The following STX18 variants were observed in gnomAD, a reference collection of about 807,000 sequenced individuals.
STX18 encodes syntaxin 18.
In STX18, 40 loss-of-function variants were observed where a neutral mutation model predicts 50.1. That is an observed-to-expected ratio of 0.80 (90% CI 0.62 to 1.04). The LOEUF (loss-of-function observed/expected upper bound fraction) is 1.04, where lower values mean the gene tolerates loss of function less well. STX18 is among the 50% of genes least tolerant of loss of function. STX18 has a pLI of 0.00. For synonymous variants in STX18, 158 were observed against 151.8 expected (o/e 1.04, Z -0.30); for missense variants, 410 against 415.8 (o/e 0.99, Z 0.12).
chr4:4,505,358 C>T (rs1729650769), intron 1 of STX18, among the ~76,000 whole-genome samples: 1 of 152,226 alleles, frequency 6.6e-6, no homozygotes, highest in Non-Finnish European at 1.5e-5. Context: ...ATGCTGGCAA[C>T]ACAGTACACT....
rs1244109677 is a variant in STX18, at chr4:4,425,234, C to G, written c.703-12G>C. 6.2e-7 allele frequency: 1 copy of G among 1,612,340 alleles called. No individual in the cohort carries two copies. The highest frequency in any genetic ancestry group is 1.7e-5 in the Admixed American group (1 of 60,010). On this transcript the variant is annotated splice_polypyrimidine_tract_variant and intron_variant, in intron 7 of 10. Transcript: ENST00000306200. ...TTTTCCTGTTCAAACTGTGAGGAAA[C>G]AGACACACTCAGGATGACATCATAC... is the stretch of plus-strand genomic sequence containing the variant.
At chr4:4,519,056 A>G (rs1412826240) in intron 1 of STX18, among the ~76,000 whole-genome samples, 1 of 152,168 alleles carries the variant, frequency 6.6e-6, no homozygotes, top group Non-Finnish European at 1.5e-5. Flanking sequence ...AACTGCTATA[A>G]TTTTCTAGGA....
chr4:4,490,854 T>C (rs1388546140), intron 1 of STX18, among the ~76,000 whole-genome samples: 2 of 152,198 alleles, frequency 1.3e-5, no homozygotes, highest in African/African-American at 2.4e-5. Flanking sequence ...CTGACTTTAA[T>C]AGAGTTTCCC....
chr4:4,511,183 A>G (rs531884351), intron 1 of STX18, among the ~76,000 whole-genome samples: 1 of 152,314 alleles, frequency 6.6e-6, no homozygotes, highest in South Asian at 2.1e-4. Flanking sequence ...TAAAACATTT[A>G]AAAAAAGAAA....
At chr4:4,509,014 C>T (rs1729870256) in intron 1 of STX18, among the ~76,000 whole-genome samples, 1 of 152,174 alleles carries the variant, frequency 6.6e-6, no homozygotes, top group Non-Finnish European at 1.5e-5. Context: ...AATAGTGCTG[C>T]AGTGAATGTA....
chr4:4,438,946 C>G (rs1159335976), intron 5 of STX18, among the ~76,000 whole-genome samples: 5 of 147,928 alleles, frequency 3.4e-5, no homozygotes, highest in African/African-American at 1.2e-4. Flanking sequence ...TATATATACC[C>G]CCACACACAT....
At chr4:4,520,611 T>A (rs1560207323) in intron 1 of STX18, among the ~76,000 whole-genome samples, 1 of 152,214 alleles carries the variant, frequency 6.6e-6, no homozygotes, top group Non-Finnish European at 1.5e-5. Context: ...AAGTTTTGTA[T>A]TATAAAATAC....
At chr4:4,453,598 T>A in intron 5 of STX18, 1 of 829,420 alleles carries the variant, frequency 1.2e-6, no homozygotes, top group Non-Finnish European at 1.5e-6. Flanking sequence ...TGATATTCAC[T>A]TTGTTGCTGT....
intron 1 of STX18, among the ~76,000 whole-genome samples, chr4:4,525,109 T>A (rs1730691314): frequency 6.6e-6 from 1 of 152,214 alleles, no homozygotes; most frequent in African/African-American, 2.4e-5. Context: ...AATAAAGTTT[T>A]ATAAAGAGCT....
chr4:4,471,899 C>A, intron 1 of STX18, among the ~76,000 whole-genome samples, 193 bp from the exon 2 acceptor site: 1 of 152,178 alleles, frequency 6.6e-6, no homozygotes, highest in East Asian at 1.9e-4. Context: ...ATCGATGGTT[C>A]CTTCCACCTC....
chr4:4,527,496 G>A (rs764763442), intron 1 of STX18, among the ~76,000 whole-genome samples: 1 of 151,782 alleles, frequency 6.6e-6, no homozygotes, highest in Admixed American at 6.6e-5. Flanking sequence ...TTTAATATTA[G>A]GTATGTAAAC....
intron 5 of STX18, among the ~76,000 whole-genome samples, chr4:4,443,902 AG>A (rs763400301): frequency 5.3e-5 from 8 of 152,258 alleles, no homozygotes; most frequent in Non-Finnish European, 1.2e-4. Context: ...ATGACTCAGC[AG>A]GTTTGTGGTG....
chr4:4,493,169 G>A (rs1279761184), intron 1 of STX18, among the ~76,000 whole-genome samples: 2 of 152,110 alleles, frequency 1.3e-5, no homozygotes, highest in African/African-American at 4.8e-5. Flanking sequence ...AAAGTCTTTG[G>A]AGAGGCCTGA....
chr4:4,523,347 G>A (rs10937873), intron 1 of STX18, among the ~76,000 whole-genome samples: 57,870 of 151,790 alleles, frequency 0.38, 11,053 homozygotes, highest in South Asian at 0.47. Flanking sequence ...AATTCCCCTT[G>A]GGTGATCCCA....
intron 1 of STX18, among the ~76,000 whole-genome samples, chr4:4,498,735 T>A (rs1460629427): frequency 6.6e-6 from 1 of 152,192 alleles, no homozygotes; most frequent in Non-Finnish European, 1.5e-5. Context: ...CATGTAAGCA[T>A]AAATCAAATA....
At chr4:4,423,698 G>A (rs111513079) in intron 8 of STX18, 111 bp from the exon 9 acceptor site, 93 of 722,518 alleles carry the variant, frequency 1.3e-4, no homozygotes, top group Non-Finnish European at 1.9e-4. Flanking sequence ...GGAGAGACAG[G>A]GGGCACACTG....
chr4:4,485,915 C>G (rs1025921816), intron 1 of STX18, among the ~76,000 whole-genome samples: 2 of 152,184 alleles, frequency 1.3e-5, no homozygotes, highest in Admixed American at 6.5e-5. Context: ...CACACTTTTT[C>G]TGGGATCACT....
intron 3 of STX18, among the ~76,000 whole-genome samples, chr4:4,459,061 C>T (rs868639252): frequency 2.1e-5 from 3 of 140,388 alleles, no homozygotes; most frequent in East Asian, 1.9e-4. Context: ...CACACACACA[C>T]GCACACACAC....
At chr4:4,507,474 T>C (rs1161239771) in intron 1 of STX18, 6 of 761,626 alleles carry the variant, frequency 7.9e-6, no homozygotes, top group South Asian at 6.7e-5. Flanking sequence ...GTGGAAAGCA[T>C]ATTATCTTTA....
Sources: allele counts gnomAD v4.1 joint callset (sites outside exome capture counted in the v4.1 genomes callset), GRCh38; gene constraint gnomAD v4.1.1; transcripts MANE v1.5; gene names NCBI Gene and HGNC (gene_info 2026-07-23, HGNC 2026-07-21).